PLPP1: variants seen among roughly 807,000 people sequenced by gnomAD.
The protein encoded by PLPP1 is lipid phosphate phosphohydrolase 1a.
PLPP1 carries 24 observed loss-of-function variants against 31.2 expected under a neutral mutation model. The observed-to-expected ratio is 0.77, with a 90% confidence interval of 0.56 to 1.08. PLPP1 has a LOEUF of 1.08. Among genes scored for constraint, PLPP1 ranks in the 50% least tolerant of loss-of-function variants. The pLI is 0.00. For synonymous variants in PLPP1, 146 were observed against 126.3 expected (o/e 1.16, Z -1.05); for missense variants, 319 against 342.7 (o/e 0.93, Z 0.55).
intron 1 of PLPP1, among the ~76,000 whole-genome samples, chr5:55,476,398 C>T (rs184507720): frequency 4.6e-5 from 7 of 152,152 alleles, no homozygotes; most frequent in Non-Finnish European, 7.4e-5. Context: ...TTATCATCAG[C>T]GTTTTCTATA....
At chr5:55,516,501 G>C (rs988323885) in intron 1 of PLPP1, among the ~76,000 whole-genome samples, 2 of 151,970 alleles carry the variant, frequency 1.3e-5, no homozygotes, top group Non-Finnish European at 2.9e-5. Flanking sequence ...ACAGTGCTTG[G>C]CACACAGTAT....
intron 3 of PLPP1, among the ~76,000 whole-genome samples, chr5:55,447,706 T>C (rs567188725): frequency 5.3e-5 from 8 of 152,208 alleles, no homozygotes; most frequent in African/African-American, 1.7e-4. Flanking sequence ...GGGAGTTCCA[T>C]CACAAAGTAC....
intron 1 of PLPP1, among the ~76,000 whole-genome samples, chr5:55,490,470 T>C (rs917639673): frequency 6.6e-6 from 1 of 152,084 alleles, no homozygotes; most frequent in African/African-American, 2.4e-5. Flanking sequence ...TATCTTAATG[T>C]ATTCTGATAA....
intron 2 of PLPP1, among the ~76,000 whole-genome samples, chr5:55,473,713 C>T (rs947378720): frequency 1.3e-5 from 2 of 152,060 alleles, no homozygotes; most frequent in South Asian, 2.1e-4. Context: ...GCTGGAATGC[C>T]GTGGTGCAAT....
At chr5:55,524,671 G>T (rs963090084) in intron 1 of PLPP1, among the ~76,000 whole-genome samples, 9 of 152,012 alleles carry the variant, frequency 5.9e-5, no homozygotes, top group African/African-American at 2.2e-4. Context: ...TTAGCCCGAC[G>T]TGGTGGTGGG....
chr5:55,473,384 C>A (rs1339101961), intron 2 of PLPP1, among the ~76,000 whole-genome samples: 3 of 152,142 alleles, frequency 2.0e-5, no homozygotes, highest in African/African-American at 7.2e-5. Flanking sequence ...CAAGGATGAA[C>A]AAGATATCAT....
chr5:55,465,144 A>G (rs1752260419), intron 3 of PLPP1, among the ~76,000 whole-genome samples: 1 of 151,624 alleles, frequency 6.6e-6, no homozygotes, highest in African/African-American at 2.4e-5. Context: ...CCGGGGTTCA[A>G]GCGATTCTCC....
chr5:55,475,435 G>A lies in PLPP1; in HGVS notation c.74C>T (p.Ala25Val). The A allele has an allele frequency of 2.5e-6, 4 of 1,599,384 alleles. No homozygotes were observed. Among genetic ancestry groups the A allele is most frequent in the Non-Finnish European group, 3.4e-6 (4 of 1,175,516 alleles). The stretch of plus-strand genomic sequence containing the variant: ...GGGGGTATGCCTTGAAGTAAGAATT[G>A]CAAAAGGCAATCCAGCTAGCAAAAG... ...LCVLLAGLPFAILTSRHTPFQ... is the reference protein window; with the variant it reads ...LCVLLAGLPFVILTSRHTPFQ... The change falls in exon 2 of 6, where the codon GCA (alanine) becomes GTA (valine). Residue 25 changes from alanine to valine, a missense_variant. By Grantham distance (64) the Ala-to-Val change is moderately conservative. Coordinates refer to ENST00000307259, the MANE Select transcript of PLPP1 (RefSeq NM_003711.4).
chr5:55,462,261 C>T (rs1752181719), intron 3 of PLPP1, among the ~76,000 whole-genome samples: 2 of 152,144 alleles, frequency 1.3e-5, no homozygotes, highest in African/African-American at 4.8e-5. Flanking sequence ...AAAACTATTA[C>T]AAAGCTGCAG....
chr5:55,494,671 T>A (rs1055408810), intron 1 of PLPP1, among the ~76,000 whole-genome samples: 4 of 152,182 alleles, frequency 2.6e-5, no homozygotes, highest in African/African-American at 9.7e-5. Flanking sequence ...CTCCTTCAAG[T>A]CCAAGCCAGG....
intron 1 of PLPP1, among the ~76,000 whole-genome samples, chr5:55,482,747 C>T (rs190325972): frequency 2.6e-5 from 4 of 152,112 alleles, no homozygotes; most frequent in Admixed American, 1.3e-4. Flanking sequence ...AAAGCCACTT[C>T]GCCATAAGAA....
In PLPP1 at chr5:55,505,209, A is replaced by G. The variant is rs115774590; in HGVS notation, c.58+29363T>C. On this transcript the variant is annotated intron_variant, in intron 1 of 5. Coordinates refer to ENST00000307259, the MANE Select transcript of PLPP1 (RefSeq NM_003711.4). Reference sequence around the variant, plus strand: ...CATCCCCCTATATTTTCTATACTTCATCTACTCAATTGGCTATCATGCAGA... The same window carrying G: ...CATCCCCCTATATTTTCTATACTTCGTCTACTCAATTGGCTATCATGCAGA... Among the ~76,000 whole-genome samples, 738 of 152,166 alleles carry G rather than the reference A, an allele frequency of 4.8e-3. 4 individuals are homozygous for G. The highest frequency in any genetic ancestry group is 8.9e-3 in the Non-Finnish European group (603 of 68,018).
chr5:55,454,543 T>G (rs1751964809), intron 3 of PLPP1, among the ~76,000 whole-genome samples: 1 of 152,202 alleles, frequency 6.6e-6, no homozygotes, highest in African/African-American at 2.4e-5. Context: ...GGGCTATTAT[T>G]GGTTTTCTTA....
intron 1 of PLPP1, among the ~76,000 whole-genome samples, chr5:55,512,785 G>A (rs949036215): frequency 6.6e-6 from 1 of 151,758 alleles, no homozygotes; most frequent in African/African-American, 2.4e-5. Context: ...CTCCTCTAAT[G>A]GAAAAGTAAT....
chr5:55,432,627 ACAAAATG>A (rs1751385843), intron 4 of PLPP1, among the ~76,000 whole-genome samples: 1 of 149,134 alleles, frequency 6.7e-6, no homozygotes, highest in East Asian at 2.0e-4. Flanking sequence ...AAAATCCTCA[ACAAAATG>A]CTAGCCAGCC....
chr5:55,489,162 C>T (rs1752835126), intron 1 of PLPP1, among the ~76,000 whole-genome samples: 2 of 152,178 alleles, frequency 1.3e-5, no homozygotes. Context: ...TACACAATTG[C>T]ACTCCAGCAT....
At chr5:55,457,710 G>A (rs1178958390) in intron 3 of PLPP1, among the ~76,000 whole-genome samples, 1 of 152,080 alleles carries the variant, frequency 6.6e-6, no homozygotes, top group African/African-American at 2.4e-5. Context: ...CCAATATGGT[G>A]AAACCCCATC....
At chr5:55,478,766 A>G (rs985516671) in intron 1 of PLPP1, among the ~76,000 whole-genome samples, 6 of 152,164 alleles carry the variant, frequency 3.9e-5, no homozygotes, top group African/African-American at 1.2e-4. Flanking sequence ...AGATTGGTCC[A>G]CAGTGCCCAA....
At chr5:55,486,008 T>A (rs1752768285) in intron 1 of PLPP1, among the ~76,000 whole-genome samples, 1 of 152,190 alleles carries the variant, frequency 6.6e-6, no homozygotes, top group African/African-American at 2.4e-5. Flanking sequence ...ATACTCTTTT[T>A]AATGCCAATT....
Sources: gnomAD v4.1 joint callset for allele counts (sites outside exome capture counted in the v4.1 genomes callset) on GRCh38, gnomAD v4.1.1 for gene constraint, MANE v1.5 for transcripts, NCBI Gene and HGNC (gene_info 2026-07-23, HGNC 2026-07-21) for gene names.